The following ERCC4 variants were observed in gnomAD, a reference collection of about 807,000 sequenced individuals.
ERCC4 encodes DNA repair endonuclease XPF.
A neutral mutation model predicts 76.9 loss-of-function variants in ERCC4; 65 were observed. That is an observed-to-expected ratio of 0.84 (90% CI 0.69 to 1.04). The LOEUF (loss-of-function observed/expected upper bound fraction) is 1.04, where lower values mean the gene tolerates loss of function less well. ERCC4 is among the 50% of genes least tolerant of loss of function. The pLI, the probability that ERCC4 is intolerant of heterozygous loss-of-function variation, is 0.00. For synonymous variants in ERCC4, 463 were observed against 410.1 expected (o/e 1.13, Z -1.56); for missense variants, 1,214 against 1,128.2 (o/e 1.08, Z -1.09).
In ERCC4 at chr16:13,952,317, A is replaced by G. The variant is rs990503546; in HGVS notation, c.*3970A>G. ...ATTTTTTTTGTTTTTGTTATGCAGA[A>G]TAAACAAGGCAGAAATGCTCTTTGA... On this transcript the variant is annotated 3_prime_UTR_variant, in exon 11 of 11. Coordinates refer to ENST00000311895, the MANE Select transcript of ERCC4 (RefSeq NM_005236.3). 4 of 182,732 alleles carry G rather than the reference A, an allele frequency of 2.2e-5. No homozygotes were observed. The highest frequency in any genetic ancestry group is 4.7e-5 in the African/African-American group (2 of 42,552). 11.3% of individuals were successfully genotyped at this position (182,732 alleles called of 1,614,324 possible). A position where few individuals can be genotyped will look rare whatever the true frequency, so the allele number is the denominator to read the frequency against.
intron 3 of ERCC4, 134 bp from the exon 4 acceptor site, chr16:13,927,894 T>C (rs2032100989): frequency 2.9e-6 from 2 of 688,222 alleles, no homozygotes; most frequent in Non-Finnish European, 5.1e-6. Context: ...TGTTGTTGCT[T>C]TGCTTTTCAT....
At chr16:13,931,002 A>G (rs2141948758) in intron 5 of ERCC4, 112 bp downstream of exon 5, 1 of 738,594 alleles carries the variant, frequency 1.4e-6, no homozygotes. Flanking sequence ...TTATACTGAG[A>G]TTTCAAATTA....
At chr16:13,927,614 C>A in intron 3 of ERCC4, 2 of 163,974 alleles carry the variant, frequency 1.2e-5, no homozygotes, top group South Asian at 1.6e-4. Context: ...CTTGATTATA[C>A]CTTGTTTTAG....
intron 4 of ERCC4, 182 bp from the exon 5 acceptor site, chr16:13,930,528 C>G (rs917159318): frequency 5.2e-6 from 3 of 579,464 alleles, no homozygotes; most frequent in East Asian, 5.7e-5. Context: ...CTGAAATGTT[C>G]TAGCCACTTC....
Position 13,934,627 on chromosome 16 carries a change from A to ACCAAGCTTTAAATCTGGAATCCC in ERCC4, c.1213+327_1213+349dup, listed in dbSNP as rs1179564973. On this transcript the variant is annotated intron_variant, in intron 7 of 10. Coordinates refer to ENST00000311895, the MANE Select transcript of ERCC4 (RefSeq NM_005236.3). ...ATTGAGCTAATCTCTACACATATTC[A>ACCAAGCTTTAAATCTGGAATCCC]CCAAGCTTTAAATCTGGAATCCCCA... 5 of 298,106 alleles carry ACCAAGCTTTAAATCTGGAATCCC rather than the reference A, an allele frequency of 1.7e-5. No individual in the cohort carries two copies. In the East Asian group the frequency reaches 2.4e-4, roughly 14 times the overall value. The allele number at this position is 298,106 out of a possible 1,614,324, so 18.5% of individuals were successfully genotyped here.
chr16:13,922,833 T>C (rs2032004404), intron 2 of ERCC4, among the ~76,000 whole-genome samples: 1 of 152,226 alleles, frequency 6.6e-6, no homozygotes, highest in Non-Finnish European at 1.5e-5. Flanking sequence ...TGACACATTG[T>C]AGATGCTCAG....
Position 13,950,283 on chromosome 16 carries a change from G to A in ERCC4, c.*1936G>A, listed in dbSNP as rs115472788. The A allele has an allele frequency of 2.9e-4, 55 of 190,084 alleles. No homozygotes were observed. The highest frequency in any genetic ancestry group is 1.2e-3 in the African/African-American group (51 of 42,980). The allele number at this position is 190,084 out of a possible 1,614,324, so 11.8% of individuals were successfully genotyped here. On this transcript the variant is annotated 3_prime_UTR_variant, in exon 11 of 11. Coordinates refer to ENST00000311895, the MANE Select transcript of ERCC4 (RefSeq NM_005236.3). Reference sequence around the variant, plus strand: ...CCCAACAAAATTATTTTTAACTGTCGTTTCTGAACTGAACCTCTCACATTG... The same window carrying A: ...CCCAACAAAATTATTTTTAACTGTCATTTCTGAACTGAACCTCTCACATTG...
chr16:13,948,460 T>A lies in ERCC4; in HGVS notation c.*113T>A. 7.8e-7 allele frequency: 1 copy of A among 1,286,682 alleles called. No individual in the cohort carries two copies. Among genetic ancestry groups the A allele is most frequent in the Non-Finnish European group, 1.1e-6 (1 of 901,096 alleles). 79.7% of individuals were successfully genotyped at this position (1,286,682 alleles called of 1,614,324 possible). A position where few individuals can be genotyped will look rare whatever the true frequency, so the allele number is the denominator to read the frequency against. On this transcript the variant is annotated 3_prime_UTR_variant, in exon 11 of 11. Coordinates refer to ENST00000311895, the MANE Select transcript of ERCC4 (RefSeq NM_005236.3). The stretch of plus-strand genomic sequence containing the variant: ...CTATTTCATTCTTTTCCAATGCTCT[T>A]AATGATTGTACGGTGGACCAGAAGC...
chr16:13,948,251 G>C lies in ERCC4; in HGVS notation c.2655G>C (p.Thr885=), dbSNP rs16963255. The change falls in exon 11 of 11, where the codon ACG becomes ACC. Residue 885 remains threonine, a synonymous_variant. Transcript: ENST00000311895. ...CAGCCCTGTCACAAGACGAGCTCAC[G>C]AGTATTCTGGGGAATGCTGCAAATG... ...ELAALSQDEL[T]SILGNAANAK... The C allele has an allele frequency of 6.2e-7, 1 of 1,614,118 alleles. No individual in the cohort carries two copies.
At chr16:13,929,087 G>A (rs3136098) in intron 4 of ERCC4, among the ~76,000 whole-genome samples, 4,314 of 152,166 alleles carry the variant, frequency 0.028, 206 homozygotes, top group African/African-American at 0.099. Flanking sequence ...AGTCCATGGT[G>A]ATTTTTTTTA....
At position 13,934,256 on chromosome 16, in the gene ERCC4, A is replaced by G; in HGVS notation, c.1167A>G (p.Lys389=). 6.2e-7 allele frequency: 1 copy of G among 1,613,792 alleles called. No homozygotes were observed. Among genetic ancestry groups the G allele is most frequent in the South Asian group, 1.1e-5 (1 of 91,070 alleles). Residue 389 remains lysine, a synonymous_variant, in exon 7 of 11, where the codon AAA becomes AAG. Transcript: ENST00000311895. Reference sequence around the variant, plus strand: ...GGGAGGCACTGACTGAAGTATTAAAAGAAATTGAGGCAGAAAATAAGGAGA... The same window carrying G: ...GGGAGGCACTGACTGAAGTATTAAAGGAAATTGAGGCAGAAAATAAGGAGA... ...PKWEALTEVL[K]EIEAENKESE... is the part of the protein sequence containing the mutation.
At chr16:13,923,585 CA>C (rs1359676395) in intron 2 of ERCC4, among the ~76,000 whole-genome samples, 1 of 152,144 alleles carries the variant, frequency 6.6e-6, no homozygotes, top group Non-Finnish European at 1.5e-5. Flanking sequence ...ATCATAGGCT[CA>C]CCTGGTTTTG....
chr16:13,927,720 C>A, intron 3 of ERCC4: 1 of 362,750 alleles, frequency 2.8e-6, no homozygotes, highest in Non-Finnish European at 5.2e-6. Context: ...CTGTTATTGC[C>A]CAAAAACAAG....
intron 3 of ERCC4, 187 bp from the exon 4 acceptor site, chr16:13,927,841 A>G (rs1251237612): frequency 1.0e-5 from 6 of 589,774 alleles, no homozygotes; most frequent in Non-Finnish European, 1.8e-5. Flanking sequence ...TATCTGAATA[A>G]TACACTGCTT....
In ERCC4 at chr16:13,947,903, C is replaced by T. The variant is rs765321722; in HGVS notation, c.2307C>T (p.Leu769=). The T allele has an allele frequency of 6.2e-7, 1 of 1,614,164 alleles. No homozygotes were observed. The highest frequency in any genetic ancestry group is 1.7e-5 in the Admixed American group (1 of 60,024). Residue 769 remains leucine (L), a synonymous_variant, in exon 11 of 11, where the codon CTC becomes CTT. Coordinates refer to ENST00000311895, the MANE Select transcript of ERCC4 (RefSeq NM_005236.3). ...IEFDPSKPFS[L]TSRGALFQEI... ...TTGACCCTAGCAAGCCTTTCTCTCT[C>T]ACTTCCCGAGGTGCCTTGTTTCAGG...
At chr16:13,938,381 T>A (rs543444687) in intron 9 of ERCC4, among the ~76,000 whole-genome samples, 1 of 152,172 alleles carries the variant, frequency 6.6e-6, no homozygotes, top group Admixed American at 6.5e-5. Context: ...TTTTTAAGAA[T>A]GAGTATCTGG....
chr16:13,924,149 C>T (rs1049416666), intron 2 of ERCC4, among the ~76,000 whole-genome samples: 1 of 152,156 alleles, frequency 6.6e-6, no homozygotes, highest in Non-Finnish European at 1.5e-5. Flanking sequence ...GGATCATCCC[C>T]CAGGACTGAC....
Position 13,948,472 on chromosome 16 carries a change from G to A in ERCC4, c.*125G>A, listed in dbSNP as rs1005424288. On this transcript the variant is annotated 3_prime_UTR_variant, in exon 11 of 11. Coordinates refer to ENST00000311895, the MANE Select transcript of ERCC4 (RefSeq NM_005236.3). ...TTTCCAATGCTCTTAATGATTGTAC[G>A]GTGGACCAGAAGCCAGGATTCCTCT... The A allele has an allele frequency of 2.2e-5, 26 of 1,184,676 alleles. No homozygotes were observed. The highest frequency in any genetic ancestry group is 9.4e-5 in the East Asian group (4 of 42,470). 73.4% of individuals were successfully genotyped at this position (1,184,676 alleles called of 1,614,324 possible).
chr16:13,926,495 A>G (rs1283870602), intron 2 of ERCC4, 66 bp from the exon 3 acceptor site: 1 of 1,391,298 alleles, frequency 7.2e-7, no homozygotes, highest in Non-Finnish European at 1.0e-6. Flanking sequence ...TACTTAAGAA[A>G]AATGTGATGA....
Sources: gnomAD v4.1 joint callset for allele counts (sites outside exome capture counted in the v4.1 genomes callset) on GRCh38, gnomAD v4.1.1 for gene constraint, MANE v1.5 for transcripts, NCBI Gene and HGNC (gene_info 2026-07-23, HGNC 2026-07-21) for gene names.